KLF6: variants seen among roughly 807,000 people sequenced by gnomAD.
KLF6 encodes Krueppel-like factor 6.
For missense variants in KLF6, 233 were observed against 359.8 expected, an observed-to-expected ratio of 0.65 and a Z score of 2.85; for synonymous variants, 152 against 147.9, an observed-to-expected ratio of 1.03 and a Z score of -0.20.
In KLF6 at chr10:3,776,778, G is replaced by A. The variant is rs1354576107; in HGVS notation, c.*2761C>T. The A allele has an allele frequency of 4.0e-6, 2 of 501,586 alleles. No homozygotes were observed. The highest frequency in any genetic ancestry group is 5.6e-4 in the Middle Eastern group (1 of 1,790). 31.1% of individuals were successfully genotyped at this position (501,586 alleles called of 1,614,324 possible). A position where few individuals can be genotyped will look rare whatever the true frequency, so the allele number is the denominator to read the frequency against. On this transcript the variant is annotated 3_prime_UTR_variant, in exon 4 of 4. Transcript: ENST00000497571. ...AAGCAAAAAGTTTCTGCTTGATTGAGGCTCAGTTATCACCTGAACAGAATG... is the reference window on the plus strand; with the variant it reads ...AAGCAAAAAGTTTCTGCTTGATTGAAGCTCAGTTATCACCTGAACAGAATG...
chr10:3,780,544 C>T lies in KLF6; in HGVS notation c.677-315G>A. The T allele has an allele frequency of 2.3e-6, 1 of 437,984 alleles. No homozygotes were observed. Among genetic ancestry groups the T allele is most frequent in the East Asian group, 4.9e-5 (1 of 20,558 alleles). The allele number at this position is 437,984 out of a possible 1,614,324, so 27.1% of individuals were successfully genotyped here. A position where few individuals can be genotyped will look rare whatever the true frequency, so the allele number is the denominator to read the frequency against. ...CGGGATGAGGTGTCAGCCTGCCGGA[C>T]CCACAGCCCCGGCAAAGGCAGAGCT... On this transcript the variant is annotated intron_variant, in intron 2 of 3. Transcript: ENST00000497571. The surrounding 1 kb of genome is among the most constrained non-coding windows in gnomAD (Gnocchi z 4.6).
intron 1 of KLF6, chr10:3,783,191 C>A (rs982888353): frequency 6.6e-6 from 1 of 152,192 alleles, no homozygotes; most frequent in African/African-American, 2.4e-5. Context: ...ATGGACAGTA[C>A]CCCTTCCCCA....
chr10:3,780,316 G>C lies in KLF6; in HGVS notation c.677-87C>G. On this transcript the variant is annotated intron_variant, in intron 2 of 3. Transcript: ENST00000497571. This position sits in a 1 kb window ranked among gnomAD's most constrained non-coding sequence, Gnocchi z 4.6. Reference sequence around the variant, plus strand: ...AATTCAACAACACACACAGTGGTGGGATGCAAGGCCAGGGACCCAGTGGCT... The same window carrying C: ...AATTCAACAACACACACAGTGGTGGCATGCAAGGCCAGGGACCCAGTGGCT... The C allele has an allele frequency of 1.3e-6, 2 of 1,549,352 alleles. No individual in the cohort carries two copies. The highest frequency in any genetic ancestry group is 3.4e-4 in the Middle Eastern group (2 of 5,956).
Position 3,778,026 on chromosome 10 carries a change from T to G in KLF6, c.*1513A>C, listed in dbSNP as rs1339038869. Reference sequence around the variant, plus strand: ...GTTGTGCAAGGTCTATATGAAAGTCTCAAGGTGGCAGAATTGGTCAGATTT... The same window carrying G: ...GTTGTGCAAGGTCTATATGAAAGTCGCAAGGTGGCAGAATTGGTCAGATTT... On this transcript the variant is annotated 3_prime_UTR_variant, in exon 4 of 4. Coordinates refer to ENST00000497571, the MANE Select transcript of KLF6 (RefSeq NM_001300.6). The G allele has an allele frequency of 2.0e-6, 1 of 509,754 alleles. No homozygotes were observed. 31.6% of individuals were successfully genotyped at this position (509,754 alleles called of 1,614,324 possible). A position where few individuals can be genotyped will look rare whatever the true frequency, so the allele number is the denominator to read the frequency against.
Position 3,781,969 on chromosome 10 carries a change from G to A in KLF6, c.348C>T (p.Ser116=), listed in dbSNP as rs567256568. ...ACTTGGCCGTGGGAGAAAGTTCCTC[G>A]GAGCTGTCAGAGGATTCGCTGCTGA... ...SDVSSESSDS[S]EELSPTAKFT... The change falls in exon 2 of 4, where the codon TCC becomes TCT. Residue 116 remains serine, a synonymous_variant. Coordinates refer to ENST00000497571, the MANE Select transcript of KLF6 (RefSeq NM_001300.6). The surrounding 1 kb of genome is among the most constrained non-coding windows in gnomAD (Gnocchi z 5.8). The A allele has an allele frequency of 4.8e-5, 77 of 1,614,162 alleles. No homozygotes were observed. The South Asian group carries it at 5.5e-4, about 12-fold the overall frequency.
In KLF6 at chr10:3,784,442, T is replaced by C. The variant is rs146330601; in HGVS notation, c.102+471A>G. On this transcript the variant is annotated intron_variant, in intron 1 of 3. Coordinates refer to ENST00000497571, the MANE Select transcript of KLF6 (RefSeq NM_001300.6). The stretch of plus-strand genomic sequence containing the variant: ...GGCATTCCAAAGAGCAGAAAACACA[T>C]TGGAAATGGTCTACAGTTTAAAAAA... Among the ~76,000 whole-genome samples the C allele has an allele frequency of 1.9e-3, 286 of 151,760 alleles. 1 individual carries two copies. Among genetic ancestry groups the C allele is most frequent in the African/African-American group, 6.7e-3 (276 of 41,334 alleles).
rs1588343138 is a variant in KLF6, at chr10:3,781,171, C to T, written c.676+470G>A. 2 of 312,082 alleles carry T rather than the reference C, an allele frequency of 6.4e-6. No individual in the cohort carries two copies. Among genetic ancestry groups the T allele is most frequent in the East Asian group, 1.1e-4 (2 of 17,424 alleles). 19.3% of individuals were successfully genotyped at this position (312,082 alleles called of 1,614,324 possible). ...AAACACTCGCTGATCAATGCTGCTG[C>T]TTACAGAGCAGGCCGGTCCCACTCG... On this transcript the variant is annotated intron_variant, in intron 2 of 3. Transcript: ENST00000497571. The surrounding 1 kb of genome is among the most constrained non-coding windows in gnomAD (Gnocchi z 5.8).
chr10:3,777,541 T>C lies in KLF6; in HGVS notation c.*1998A>G, dbSNP rs565814544. On this transcript the variant is annotated 3_prime_UTR_variant, in exon 4 of 4. Coordinates refer to ENST00000497571, the MANE Select transcript of KLF6 (RefSeq NM_001300.6). ...GGTGCCCCATTCCAGACCTGCCCAT[T>C]TGATGGACAGAGCAGACAGCCCGGA... The C allele has an allele frequency of 8.2e-5, 42 of 511,524 alleles. No homozygotes were observed. In the Middle Eastern group the frequency reaches 2.2e-3, roughly 27 times the overall value. The allele number at this position is 511,524 out of a possible 1,614,324, so 31.7% of individuals were successfully genotyped here. A position where few individuals can be genotyped will look rare whatever the true frequency, so the allele number is the denominator to read the frequency against.
Position 3,785,019 on chromosome 10 carries a change from G to C in KLF6, c.-5C>G. The C allele has an allele frequency of 6.2e-7, 1 of 1,610,758 alleles. No individual in the cohort carries two copies. The highest frequency in any genetic ancestry group is 8.5e-7 in the Non-Finnish European group (1 of 1,178,114). ...GCACATGGGGAGCACGTCCATGTCGGGCCGGGTTGGACGGAGCCCGCGGTC... is the reference window on the plus strand; with the variant it reads ...GCACATGGGGAGCACGTCCATGTCGCGCCGGGTTGGACGGAGCCCGCGGTC... On this transcript the variant is annotated 5_prime_UTR_variant, in exon 1 of 4. Coordinates refer to ENST00000497571, the MANE Select transcript of KLF6 (RefSeq NM_001300.6).
chr10:3,777,795 A>C lies in KLF6; in HGVS notation c.*1744T>G, dbSNP rs781030734. 70 of 466,640 alleles carry C rather than the reference A, an allele frequency of 1.5e-4. No individual in the cohort carries two copies. Among genetic ancestry groups the C allele is most frequent in the Non-Finnish European group, 2.6e-4 (61 of 238,082 alleles). 28.9% of individuals were successfully genotyped at this position (466,640 alleles called of 1,614,324 possible). A position where few individuals can be genotyped will look rare whatever the true frequency, so the allele number is the denominator to read the frequency against. ...ATACACACATACACATACTGTACAC[A>C]CAAATATACATACACAAGAATTCTG... On this transcript the variant is annotated 3_prime_UTR_variant, in exon 4 of 4. Coordinates refer to ENST00000497571, the MANE Select transcript of KLF6 (RefSeq NM_001300.6).
rs1564292599 is a variant in KLF6 at position 3,777,202 on chromosome 10, C to G, written c.*2337G>C. The G allele has an allele frequency of 1.9e-6, 1 of 516,714 alleles. No homozygotes were observed. The allele number at this position is 516,714 out of a possible 1,614,324, so 32.0% of individuals were successfully genotyped here. A position where few individuals can be genotyped will look rare whatever the true frequency, so the allele number is the denominator to read the frequency against. ...AAGATCAAACAAAATACCAGCCCAGCCAGACTCACATGTGTGTATATATAT... is the reference window on the plus strand; with the variant it reads ...AAGATCAAACAAAATACCAGCCCAGGCAGACTCACATGTGTGTATATATAT... On this transcript the variant is annotated 3_prime_UTR_variant, in exon 4 of 4. Coordinates refer to ENST00000497571, the MANE Select transcript of KLF6 (RefSeq NM_001300.6).
rs1441705289 is a variant in KLF6 at position 3,776,854 on chromosome 10, C to T, written c.*2685G>A. On this transcript the variant is annotated 3_prime_UTR_variant, in exon 4 of 4. Coordinates refer to ENST00000497571, the MANE Select transcript of KLF6 (RefSeq NM_001300.6). ...TGAAAATCACAGGCATTGACAGGTACGGTACCCAGCCCCACCCAGGCAAAC... is the reference window on the plus strand; with the variant it reads ...TGAAAATCACAGGCATTGACAGGTATGGTACCCAGCCCCACCCAGGCAAAC... 20 of 524,762 alleles carry T rather than the reference C, an allele frequency of 3.8e-5. No homozygotes were observed. The highest frequency in any genetic ancestry group is 6.6e-5 in the Non-Finnish European group (18 of 271,248). 32.5% of individuals were successfully genotyped at this position (524,762 alleles called of 1,614,324 possible). A position where few individuals can be genotyped will look rare whatever the true frequency, so the allele number is the denominator to read the frequency against.
At position 3,776,952 on chromosome 10, in the gene KLF6, T is replaced by C; in HGVS notation, c.*2587A>G. ...TTTTCCTTTTTTTTTTTTTGTCTTTTGCTTACCTTCTTGCTTAATGGAATT... is the reference window on the plus strand; with the variant it reads ...TTTTCCTTTTTTTTTTTTTGTCTTTCGCTTACCTTCTTGCTTAATGGAATT... On this transcript the variant is annotated 3_prime_UTR_variant, in exon 4 of 4. Coordinates refer to ENST00000497571, the MANE Select transcript of KLF6 (RefSeq NM_001300.6). The C allele has an allele frequency of 1.9e-6, 1 of 517,076 alleles. No homozygotes were observed. The highest frequency in any genetic ancestry group is 3.7e-6 in the Non-Finnish European group (1 of 267,404). The allele number at this position is 517,076 out of a possible 1,614,324, so 32.0% of individuals were successfully genotyped here.
chr10:3,784,812 C>T, intron 1 of KLF6, 101 bp downstream of exon 1: 1 of 1,129,452 alleles, frequency 8.9e-7, no homozygotes. Flanking sequence ...AGCGCGGGGC[C>T]CAGGCCCAGC....
rs1436993073 is a variant in KLF6 at position 3,781,978 on chromosome 10, A to C, written c.339T>G (p.Ser113=). 1 of 1,614,082 alleles carries C rather than the reference A, an allele frequency of 6.2e-7. No homozygotes were observed. Among genetic ancestry groups the C allele is most frequent in the East Asian group, 2.2e-5 (1 of 44,896 alleles). The change falls in exon 2 of 4, where the codon TCT becomes TCG. Residue 113 remains serine, a synonymous_variant. Transcript: ENST00000497571. The surrounding 1 kb of genome is among the most constrained non-coding windows in gnomAD (Gnocchi z 5.8). The part of the protein sequence containing the change: ...SLNSDVSSES[S]DSSEELSPTA... ...TGGGAGAAAGTTCCTCGGAGCTGTC[A>C]GAGGATTCGCTGCTGACATCTGAGT...
chr10:3,782,338 G>A lies in KLF6; in HGVS notation c.103-124C>T, dbSNP rs913387710. On this transcript the variant is annotated intron_variant, in intron 1 of 3. Coordinates refer to ENST00000497571, the MANE Select transcript of KLF6 (RefSeq NM_001300.6). The surrounding 1 kb of genome is among the most constrained non-coding windows in gnomAD (Gnocchi z 4.3). Reference sequence around the variant, plus strand: ...ACATTGCTGCCCGGTCACTACAGGGGCAAAACCTTTTGTAATTAAGCATCC... The same window carrying A: ...ACATTGCTGCCCGGTCACTACAGGGACAAAACCTTTTGTAATTAAGCATCC... The A allele has an allele frequency of 3.2e-5, 25 of 775,096 alleles. No individual in the cohort carries two copies. The highest frequency in any genetic ancestry group is 4.9e-5 in the Non-Finnish European group (22 of 452,108). The allele number at this position is 775,096 out of a possible 1,614,324, so 48.0% of individuals were successfully genotyped here. A position where few individuals can be genotyped will look rare whatever the true frequency, so the allele number is the denominator to read the frequency against.
At position 3,780,340 on chromosome 10, in the gene KLF6, CT is replaced by C; in HGVS notation, c.677-112del. ...GGATGCAAGGCCAGGGACCCAGTGGCTTCTGGCATCGGTAACACACAACAAC... is the reference window on the plus strand; with the variant it reads ...GGATGCAAGGCCAGGGACCCAGTGGCTCTGGCATCGGTAACACACAACAAC... On this transcript the variant is annotated intron_variant, in intron 2 of 3. Coordinates refer to ENST00000497571, the MANE Select transcript of KLF6 (RefSeq NM_001300.6). This position sits in a 1 kb window ranked among gnomAD's most constrained non-coding sequence, Gnocchi z 4.6. 7.5e-7 allele frequency: 1 copy of C among 1,328,536 alleles called. No individual in the cohort carries two copies. Among genetic ancestry groups the C allele is most frequent in the Non-Finnish European group, 1.1e-6 (1 of 933,532 alleles). The allele number at this position is 1,328,536 out of a possible 1,614,324, so 82.3% of individuals were successfully genotyped here.
At chr10:3,784,833 G>A (rs1393029000) in intron 1 of KLF6, 80 bp downstream of exon 1, 9 of 1,357,336 alleles carry the variant, frequency 6.6e-6, no homozygotes, top group Non-Finnish European at 7.9e-6. Flanking sequence ...GGACCGCAGA[G>A]AGCACCGGGT....
chr10:3,779,738 CAGGG>C, intron 3 of KLF6, 148 bp from the exon 4 acceptor site: 1 of 757,724 alleles, frequency 1.3e-6, no homozygotes, highest in Non-Finnish European at 2.3e-6. Flanking sequence ...TCAGTGTCTT[CAGGG>C]ACAGGAGATA....
Sources: gnomAD v4.1 joint callset for allele counts (sites outside exome capture counted in the v4.1 genomes callset) on GRCh38, gnomAD v4.1.1 for gene constraint, Gnocchi (gnomAD v3.1) non-coding constraint, MANE v1.5 for transcripts, NCBI Gene and HGNC (gene_info 2026-07-23, HGNC 2026-07-21) for gene names.